PTPRD: variants seen among roughly 807,000 people sequenced by gnomAD.
PTPRD encodes protein tyrosine phosphatase receptor type D, also known as receptor-type tyrosine-protein phosphatase delta.
In PTPRD, 34 loss-of-function variants were observed where a neutral mutation model predicts 214.5. The ratio of observed to expected loss-of-function variants is 0.16; its 90% CI spans 0.12 to 0.21. The LOEUF (loss-of-function observed/expected upper bound fraction) is 0.21, where lower values mean the gene tolerates loss of function less well. PTPRD is among the 10% of genes least tolerant of loss of function. PTPRD has a pLI of 1.00. For synonymous variants in PTPRD, 1,128 were observed against 845.7 expected (o/e 1.33, Z -5.79); for missense variants, 2,545 against 2,398.7 (o/e 1.06, Z -1.27).
intron 10 of PTPRD, among the ~76,000 whole-genome samples, chr9:9,031,480 T>G (rs989352753): frequency 6.6e-6 from 1 of 152,024 alleles, no homozygotes; most frequent in African/African-American, 2.4e-5. Context: ...CTGTAGTCAA[T>G]TGTAACAGAA....
chr9:8,663,840 T>C (rs900295746), intron 12 of PTPRD, among the ~76,000 whole-genome samples: 1 of 150,840 alleles, frequency 6.6e-6, no homozygotes, highest in Admixed American at 6.6e-5. Context: ...TTAAATGAAA[T>C]CACAAAAATG....
intron 39 of PTPRD, among the ~76,000 whole-genome samples, chr9:8,348,337 A>C (rs1324760829): frequency 6.6e-6 from 1 of 152,112 alleles, no homozygotes; most frequent in African/African-American, 2.4e-5. Flanking sequence ...TGCTTTATAT[A>C]AGATATGCAT....
At chr9:10,585,015 G>C (rs1018319853) in intron 2 of PTPRD, among the ~76,000 whole-genome samples, 7 of 152,042 alleles carry the variant, frequency 4.6e-5, no homozygotes, top group Non-Finnish European at 1.0e-4. Flanking sequence ...ATGACATAAA[G>C]TGCCAAACTA....
At chr9:9,919,834 T>G (rs1306284921) in intron 5 of PTPRD, among the ~76,000 whole-genome samples, 2 of 152,176 alleles carry the variant, frequency 1.3e-5, no homozygotes, top group African/African-American at 2.4e-5. Flanking sequence ...AATGCCTGTT[T>G]GAATTCATGT....
At chr9:9,223,561 A>C (rs1334704162) in intron 9 of PTPRD, among the ~76,000 whole-genome samples, 1 of 152,034 alleles carries the variant, frequency 6.6e-6, no homozygotes, top group African/African-American at 2.4e-5. Flanking sequence ...GCCTATGCCT[A>C]ACAAATGCCT....
At chr9:8,631,560 T>A (rs1001081764) in intron 14 of PTPRD, among the ~76,000 whole-genome samples, 1 of 151,878 alleles carries the variant, frequency 6.6e-6, no homozygotes, top group African/African-American at 2.4e-5. Flanking sequence ...TGGGACTCAC[T>A]GTTTCTGACC....
chr9:9,367,721 C>G (rs1353185712), intron 9 of PTPRD, among the ~76,000 whole-genome samples: 2 of 151,582 alleles, frequency 1.3e-5, no homozygotes, highest in African/African-American at 4.8e-5. Context: ...CTCCAATTTC[C>G]TGGGTGTGGA....
chr9:9,813,042 C>A (rs530482706), intron 5 of PTPRD, among the ~76,000 whole-genome samples: 1 of 151,970 alleles, frequency 6.6e-6, no homozygotes, highest in Non-Finnish European at 1.5e-5. Flanking sequence ...AAGTAAACAA[C>A]ACACTCTTAA....
At chr9:10,043,722 A>G (rs945034543) in intron 3 of PTPRD, among the ~76,000 whole-genome samples, 6 of 151,840 alleles carry the variant, frequency 4.0e-5, no homozygotes, top group African/African-American at 1.4e-4. Flanking sequence ...TGCCAAGGAG[A>G]CATTCTAGGT....
chr9:9,976,968 G>C (rs7039509), intron 4 of PTPRD, among the ~76,000 whole-genome samples: 3,353 of 152,190 alleles, frequency 0.022, 119 homozygotes, highest in African/African-American at 0.076. Flanking sequence ...TCCATAAATT[G>C]AATAGCTAAT....
At chr9:9,010,391 C>G (rs933042733) in intron 11 of PTPRD, among the ~76,000 whole-genome samples, 3 of 152,248 alleles carry the variant, frequency 2.0e-5, no homozygotes, top group East Asian at 3.9e-4. Flanking sequence ...CCTTTTATCC[C>G]CCTGCTCTGT....
At chr9:10,090,403 G>A (rs73641850) in intron 3 of PTPRD, among the ~76,000 whole-genome samples, 6,780 of 151,348 alleles carry the variant, frequency 0.045, 496 homozygotes, top group African/African-American at 0.15. Flanking sequence ...ACTGCAGTGA[G>A]GGACGTATAT....
intron 3 of PTPRD, among the ~76,000 whole-genome samples, chr9:10,049,984 T>C (rs1407470899): frequency 6.6e-6 from 1 of 152,196 alleles, no homozygotes; most frequent in Non-Finnish European, 1.5e-5. Context: ...AACTTTTTTA[T>C]GTGCTTATTT....
At chr9:9,641,115 A>G (rs1007076368) in intron 7 of PTPRD, among the ~76,000 whole-genome samples, 4 of 94,016 alleles carry the variant, frequency 4.3e-5, no homozygotes, top group Admixed American at 2.2e-4. Flanking sequence ...GAAAAATTCA[A>G]TGGGGCAGAA....
At chr9:9,819,539 G>T (rs1051919749) in intron 5 of PTPRD, among the ~76,000 whole-genome samples, 2 of 152,140 alleles carry the variant, frequency 1.3e-5, no homozygotes, top group African/African-American at 4.8e-5. Flanking sequence ...GCTTCATAGG[G>T]TACATGTGCA....
intron 5 of PTPRD, among the ~76,000 whole-genome samples, chr9:9,891,061 T>G (rs183094624): frequency 4.7e-4 from 71 of 152,268 alleles, no homozygotes; most frequent in South Asian, 3.9e-3. Flanking sequence ...AGATTATCTT[T>G]CATTGACTGA....
At chr9:8,864,601 T>G (rs1164804510) in intron 11 of PTPRD, among the ~76,000 whole-genome samples, 1 of 152,160 alleles carries the variant, frequency 6.6e-6, no homozygotes, top group African/African-American at 2.4e-5. Context: ...AGAGGATGGT[T>G]TCCAAAAAAC....
chr9:8,645,830 G>C (rs749973714), intron 12 of PTPRD, among the ~76,000 whole-genome samples: 1 of 151,916 alleles, frequency 6.6e-6, no homozygotes, highest in Non-Finnish European at 1.5e-5. Flanking sequence ...TGCCTTCCCA[G>C]TCCTTCTCCT....
intron 11 of PTPRD, among the ~76,000 whole-genome samples, chr9:8,910,273 G>A (rs1354040972): frequency 3.3e-5 from 5 of 151,918 alleles, no homozygotes; most frequent in Non-Finnish European, 5.9e-5. Flanking sequence ...TCCTGACCTC[G>A]TGATCCGCCC....
Sources: allele counts gnomAD v4.1 joint callset (sites outside exome capture counted in the v4.1 genomes callset), GRCh38; gene constraint gnomAD v4.1.1; transcripts MANE v1.5; gene names NCBI Gene and HGNC (gene_info 2026-07-23, HGNC 2026-07-21).